The following CCDC171 variants were observed in gnomAD, a reference collection of about 807,000 sequenced individuals.
CCDC171 encodes coiled-coil domain-containing protein 171.
Under a neutral mutation model 168.2 loss-of-function variants are expected in CCDC171, and 177 were observed. The ratio of observed to expected loss-of-function variants is 1.05; its 90% CI spans 0.93 to 1.19. The LOEUF is 1.19. Among genes scored for constraint, CCDC171 ranks in the 50% most tolerant of loss-of-function variants. The pLI is 0.00. For missense variants in CCDC171, 1,991 were observed against 1,539.0 expected (o/e 1.29, Z -4.91); for synonymous variants, 687 against 540.8 (o/e 1.27, Z -3.75).
chr9:15,720,273 A>G (rs1266398622), intron 11 of CCDC171, among the ~76,000 whole-genome samples: 2 of 152,102 alleles, frequency 1.3e-5, no homozygotes, highest in Non-Finnish European at 2.9e-5. Flanking sequence ...CTTCTTTATT[A>G]CTGCCTTCCC....
At chr9:15,992,126 A>G (rs1389687869) in intron 3 of CCDC171, among the ~76,000 whole-genome samples, 1 of 152,206 alleles carries the variant, frequency 6.6e-6, no homozygotes, top group African/African-American at 2.4e-5. Context: ...GACACAACAA[A>G]AAAAAGAGAA....
intron 6 of CCDC171, among the ~76,000 whole-genome samples, chr9:15,596,406 T>C (rs1173920817): frequency 6.7e-6 from 1 of 148,998 alleles, no homozygotes; most frequent in African/African-American, 2.5e-5. Context: ...TAGGGAATCC[T>C]TTCCCCATTT....
intron 1 of CCDC171, among the ~76,000 whole-genome samples, chr9:15,559,420 A>G (rs1229329156): frequency 1.3e-5 from 2 of 152,128 alleles, no homozygotes; most frequent in East Asian, 1.9e-4. Flanking sequence ...CTGCTCCCGT[A>G]TTGGGTGCAT....
intron 6 of CCDC171, among the ~76,000 whole-genome samples, chr9:15,602,422 A>G (rs1270539626): frequency 1.3e-5 from 2 of 151,058 alleles, no homozygotes; most frequent in African/African-American, 4.8e-5. Flanking sequence ...CATCTTTAAT[A>G]GACAAAACTT....
Position 15,687,864 on chromosome 9 carries a change from G to C in CCDC171, c.1216-7371G>C, listed in dbSNP as rs150351913. On this transcript the variant is annotated intron_variant, in intron 10 of 25. Coordinates refer to ENST00000380701, the MANE Select transcript of CCDC171 (RefSeq NM_173550.4). ...CCGTTGGGCGCAGTGGCTCGTGCCT[G>C]TAATCCTAACACTTGGGAGGCCAAG... 1.8e-3 allele frequency among the ~76,000 whole-genome samples: 270 copies of C among 152,280 alleles called. 2 individuals are homozygous for C. The highest frequency in any genetic ancestry group is 6.1e-3 in the African/African-American group (253 of 41,578).
intron 18 of CCDC171, among the ~76,000 whole-genome samples, chr9:15,771,167 A>G (rs1319402638): frequency 6.6e-6 from 1 of 152,082 alleles, no homozygotes; most frequent in Non-Finnish European, 1.5e-5. Flanking sequence ...GTAATCAGCC[A>G]TACTATAGTT....
chr9:15,591,519 T>C lies in CCDC171; in HGVS notation c.506T>C (p.Leu169Pro). ...AATTGCAATCGAGAATATGATTTAC[T>C]TATGAAAGAAAAAAGCAGACTAGAG... ...IQNCNREYDLLMKEKSRLEKT... is the reference protein window; with the variant it reads ...IQNCNREYDLPMKEKSRLEKT... The change falls in exon 5 of 26, where the codon CTT (leucine) becomes CCT (proline). Residue 169 changes from leucine (L) to proline (P), a missense_variant. Leu to Pro is a moderately conservative substitution (Grantham distance 98). Transcript: ENST00000380701. 1.3e-6 allele frequency: 2 copies of C among 1,589,566 alleles called. No homozygotes were observed. Among genetic ancestry groups the C allele is most frequent in the South Asian group, 1.2e-5 (1 of 85,944 alleles).
chr9:15,657,382 T>C (rs1227780490), intron 8 of CCDC171, 163 bp downstream of exon 8: 1 of 471,134 alleles, frequency 2.1e-6, no homozygotes, highest in Admixed American at 3.4e-5. Flanking sequence ...AGTTGAGATA[T>C]GCTACCTTAG....
At chr9:15,598,978 C>G (rs1197431902) in intron 6 of CCDC171, among the ~76,000 whole-genome samples, 2 of 151,982 alleles carry the variant, frequency 1.3e-5, no homozygotes, top group African/African-American at 4.8e-5. Context: ...CAACCCCTGC[C>G]TTTTTTGTTT....
At chr9:15,598,941 A>G (rs2042606310) in intron 6 of CCDC171, among the ~76,000 whole-genome samples, 1 of 152,048 alleles carries the variant, frequency 6.6e-6, no homozygotes, top group Non-Finnish European at 1.5e-5. Flanking sequence ...GTTGGCTTAA[A>G]GTCTGTTTTA....
downstream of CCDC171, among the ~76,000 whole-genome samples, chr9:16,062,698 C>T (rs1373593341): frequency 1.3e-5 from 2 of 152,226 alleles, no homozygotes; most frequent in Non-Finnish European, 2.9e-5. Flanking sequence ...CAGATACAGA[C>T]ATGAGTAAGA....
intron 19 of CCDC171, 42 bp downstream of exon 19, chr9:15,777,868 A>G (rs771895414): frequency 9.1e-6 from 12 of 1,315,786 alleles, no homozygotes; most frequent in African/African-American, 4.4e-5. Flanking sequence ...AAGAACTTGT[A>G]GGTTTAATTT....
chr9:15,888,570 C>T (rs1257969983), intron 24 of CCDC171, among the ~76,000 whole-genome samples: 1 of 152,108 alleles, frequency 6.6e-6, no homozygotes. Flanking sequence ...TCCTCTGAAA[C>T]TAGCAGAATA....
intron 3 of CCDC171, among the ~76,000 whole-genome samples, chr9:16,014,130 G>T (rs1381419038): frequency 6.6e-6 from 1 of 152,198 alleles, no homozygotes; most frequent in Non-Finnish European, 1.5e-5. Flanking sequence ...CTCAACCCTT[G>T]CCACTGCTTT....
At chr9:15,851,702 A>G (rs2061135294) in intron 23 of CCDC171, among the ~76,000 whole-genome samples, 1 of 151,964 alleles carries the variant, frequency 6.6e-6, no homozygotes, top group Non-Finnish European at 1.5e-5. Context: ...TCACTGCAAA[A>G]GAAACCCAGT....
rs1483247648 is a variant in CCDC171 at position 15,916,203 on chromosome 9, G to A, written c.3601-4067G>A. ...AATCTTTCTTTTATGAGCTTAAATA[G>A]TAATTTTCCTATTTGATATCATTAT... On this transcript the variant is annotated intron_variant, in intron 24 of 25. Transcript: ENST00000380701. Among the ~76,000 whole-genome samples the A allele has an allele frequency of 5.3e-5, 8 of 151,804 alleles. No homozygotes were observed. In the East Asian group the frequency reaches 1.4e-3, roughly 26 times the overall value.
At chr9:15,937,643 A>G (rs1469440980) in intron 25 of CCDC171, among the ~76,000 whole-genome samples, 1 of 151,994 alleles carries the variant, frequency 6.6e-6, no homozygotes, top group East Asian at 1.9e-4. Flanking sequence ...TGAACAACAA[A>G]CATAAAGAGT....
intron 1 of CCDC171, among the ~76,000 whole-genome samples, chr9:16,050,271 ATAAATGTT>A (rs1833730259): frequency 6.6e-6 from 1 of 152,260 alleles, no homozygotes; most frequent in Non-Finnish European, 1.5e-5. Context: ...ATGGTAAAGG[ATAAATGTT>A]TAAAGGCTAA....
At chr9:16,077,309 T>G in the CCDC171 span, among the ~76,000 whole-genome samples, 1 of 152,166 alleles carries the variant, frequency 6.6e-6, no homozygotes, top group East Asian at 1.9e-4. Context: ...ACTTGAAGAA[T>G]GGGGCCCTCG....
Sources: gnomAD v4.1 joint callset for allele counts (sites outside exome capture counted in the v4.1 genomes callset) on GRCh38, gnomAD v4.1.1 for gene constraint, MANE v1.5 for transcripts, NCBI Gene and HGNC (gene_info 2026-07-23, HGNC 2026-07-21) for gene names.